The following TASOR2 variants were observed in gnomAD, a reference collection of about 807,000 sequenced individuals.
The protein encoded by TASOR2 is transcription activation suppressor family member 2, also known as protein TASOR 2.
Under a neutral mutation model 199.5 loss-of-function variants are expected in TASOR2, and 84 were observed. The ratio of observed to expected loss-of-function variants is 0.42; its 90% CI spans 0.35 to 0.50. The LOEUF (loss-of-function observed/expected upper bound fraction) is 0.50. Ranked by LOEUF, TASOR2 falls within the 20% of genes least tolerant of loss-of-function variation. The pLI is 0.02. For missense variants in TASOR2, 2,796 were observed against 2,835.9 expected (o/e 0.99, Z 0.32); for synonymous variants, 1,103 against 1,046.6 (o/e 1.05, Z -1.04).
intron 1 of TASOR2, among the ~76,000 whole-genome samples, chr10:5,705,313 T>C (rs1294720621): frequency 6.6e-6 from 1 of 152,228 alleles, no homozygotes; most frequent in African/African-American, 2.4e-5. Context: ...TTGAGATGCA[T>C]GCATATATCA....
Position 5,742,360 on chromosome 10 carries a change from C to T in TASOR2, c.2591C>T (p.Ala864Val). 1.2e-6 allele frequency: 2 copies of T among 1,614,162 alleles called. No individual in the cohort carries two copies. Among genetic ancestry groups the T allele is most frequent in the South Asian group, 2.2e-5 (2 of 91,082 alleles). ...AACGAAATTTCCAGGGCTCATGCTG[C>T]TGAAGTATCCTTCCGTGATCCTAAC... Residue 864 changes from alanine (A) to valine (V), a missense_variant, in exon 14 of 21, where the codon GCT becomes GTT. Coordinates refer to ENST00000328090, the Ensembl canonical transcript of TASOR2. The surrounding 1 kb of genome is among the most constrained non-coding windows in gnomAD (Gnocchi z 4.2).
In TASOR2 at chr10:5,763,104, AACATGTGAATAC is replaced by A. The variant is rs1400976612; in HGVS notation, c.*82_*93del. 8 of 1,449,728 alleles carry A rather than the reference AACATGTGAATAC, an allele frequency of 5.5e-6. No individual in the cohort carries two copies. In the African/African-American group the frequency reaches 9.9e-5, roughly 18 times the overall value. 89.8% of individuals were successfully genotyped at this position (1,449,728 alleles called of 1,614,324 possible). ...GTATTTTCCCTTTGGAAAACTTGTG[AACATGTGAATAC>A]ACATGTGAACAGTCTTACATTTGAA... On this transcript the variant is annotated 3_prime_UTR_variant, in exon 21 of 21. Transcript: ENST00000328090.
intron 1 of TASOR2, among the ~76,000 whole-genome samples, chr10:5,705,374 T>G (rs1838447637): frequency 6.6e-6 from 1 of 152,228 alleles, no homozygotes. Context: ...TATACAAGTT[T>G]ATCCATTCAC....
At chr10:5,747,351 A>G (rs377485045) in exon 15 of TASOR2, 27 of 1,614,044 alleles carry the variant, frequency 1.7e-5, no homozygotes, top group Non-Finnish European at 2.3e-5. Context: ...AGGAGGCCCC[A>G]TTCTCAAATT....
At chr10:5,694,194 T>G (rs2131500094) in intron 1 of TASOR2, among the ~76,000 whole-genome samples, 1 of 152,172 alleles carries the variant, frequency 6.6e-6, no homozygotes, top group African/African-American at 2.4e-5. Context: ...CACTCAGTAG[T>G]AAGTCAGGGA....
At chr10:5,739,692 A>G in exon 13 of TASOR2, 7 of 1,614,152 alleles carry the variant, frequency 4.3e-6, no homozygotes, top group Non-Finnish European at 5.1e-6. Context: ...TAGCATAAAT[A>G]GTGTTCAACC....
At chr10:5,703,660 C>T (rs1337295116) in intron 1 of TASOR2, among the ~76,000 whole-genome samples, 5 of 151,608 alleles carry the variant, frequency 3.3e-5, no homozygotes, top group Admixed American at 1.3e-4. Flanking sequence ...CCCGCCACCA[C>T]GCCCGGCTAA....
intron 6 of TASOR2, among the ~76,000 whole-genome samples, chr10:5,721,532 A>C (rs186212682): frequency 6.6e-6 from 1 of 152,216 alleles, no homozygotes; most frequent in Non-Finnish European, 1.5e-5. Context: ...TGTTGTGAGG[A>C]TTCATTTTTT....
At chr10:5,700,206 T>C (rs1190712819) in intron 1 of TASOR2, among the ~76,000 whole-genome samples, 1 of 152,180 alleles carries the variant, frequency 6.6e-6, no homozygotes, top group Non-Finnish European at 1.5e-5. Flanking sequence ...CTCTGTGTGC[T>C]TGGCTTATTT....
chr10:5,762,140 C>A (rs569479029), intron 19 of TASOR2, among the ~76,000 whole-genome samples: 1 of 151,648 alleles, frequency 6.6e-6, no homozygotes, highest in South Asian at 2.1e-4. Context: ...GTGATGTGTG[C>A]CTATAGTCCT....
chr10:5,746,089 T>C, intron 14 of TASOR2, 90 bp from the exon 16 acceptor site: 1 of 1,352,402 alleles, frequency 7.4e-7, no homozygotes, highest in East Asian at 2.4e-5. Context: ...AATTAATTTT[T>C]ATCTTTTCTG....
At chr10:5,712,625 T>A (rs971594541) in intron 1 of TASOR2, 198 bp from the exon 2 acceptor site, 1 of 1,125,906 alleles carries the variant, frequency 8.9e-7, no homozygotes, top group Non-Finnish European at 1.1e-6. Flanking sequence ...AGCCTAGCAC[T>A]TTTTAGCTAT....
chr10:5,694,082 A>G (rs1836832127), intron 1 of TASOR2, among the ~76,000 whole-genome samples: 2 of 152,076 alleles, frequency 1.3e-5, no homozygotes, highest in African/African-American at 4.8e-5. Flanking sequence ...CAACCATGGG[A>G]GGAATGGGGA....
chr10:5,691,267 A>G (rs984673190), intron 1 of TASOR2, among the ~76,000 whole-genome samples: 1 of 152,090 alleles, frequency 6.6e-6, no homozygotes, highest in African/African-American at 2.4e-5. Flanking sequence ...TTGTTTTTAC[A>G]TAATGTAGGA....
rs1426955719 is a variant in TASOR2 at position 5,754,798 on chromosome 10, C to T, written c.6607-1815C>T. Among the ~76,000 whole-genome samples the T allele has an allele frequency of 1.3e-5, 2 of 152,058 alleles. No individual in the cohort carries two copies. The highest frequency in any genetic ancestry group is 2.9e-5 in the Non-Finnish European group (2 of 68,014). On this transcript the variant is annotated intron_variant, in intron 15 of 20. Coordinates refer to ENST00000328090, the Ensembl canonical transcript of TASOR2. This position sits in a 1 kb window ranked among gnomAD's most constrained non-coding sequence, Gnocchi z 4.3. ...GTGGCTCACGCCTGTAATCCCAGCA[C>T]TTTGGGAGGCCGAGGTGGGCGGATC...
rs757417170 is a variant in TASOR2 at position 5,727,057 on chromosome 10, A to T, written c.425-4A>T. Reference sequence around the variant, plus strand: ...TTTCTTCTTCTGATTCTCATTCTGCATAGATTTTGGAGGCAAGCAGATGGG... The same window carrying T: ...TTTCTTCTTCTGATTCTCATTCTGCTTAGATTTTGGAGGCAAGCAGATGGG... On this transcript the variant is annotated splice_region_variant and splice_polypyrimidine_tract_variant and intron_variant, in intron 9 of 20. Coordinates refer to ENST00000328090, the Ensembl canonical transcript of TASOR2. 6.2e-7 allele frequency: 1 copy of T among 1,613,944 alleles called. No homozygotes were observed. Among genetic ancestry groups the T allele is most frequent in the African/African-American group, 1.3e-5 (1 of 74,918 alleles).
rs1836645356 is a variant in TASOR2 at position 5,742,948 on chromosome 10, A to G, written c.2757+422A>G. Among the ~76,000 whole-genome samples, 1 of 152,238 alleles carries G rather than the reference A, an allele frequency of 6.6e-6. No homozygotes were observed. Among genetic ancestry groups the G allele is most frequent in the Admixed American group, 6.5e-5 (1 of 15,278 alleles). On this transcript the variant is annotated intron_variant, in intron 14 of 20. Transcript: ENST00000328090. This position sits in a 1 kb window ranked among gnomAD's most constrained non-coding sequence, Gnocchi z 4.2. ...GTAAACTAAAATTAATTGTATTAAA[A>G]TTATTTTTGAAGACAGATGCTGGAA...
At position 5,744,963 on chromosome 10, in the gene TASOR2, C is replaced by T. The variant is rs115580149; in HGVS notation, c.2758-1216C>T. Among the ~76,000 whole-genome samples, 1,012 of 152,276 alleles carry T rather than the reference C, an allele frequency of 6.6e-3. 19 individuals are homozygous for T. The highest frequency in any genetic ancestry group is 0.023 in the African/African-American group (967 of 41,562). ...AATGTTTTTAACAAGAGATTTGGAA[C>T]ACAGTTCCTGATTTCCAACATGTAT... On this transcript the variant is annotated intron_variant, in intron 14 of 20. Transcript: ENST00000328090.
chr10:5,742,704 C>G lies in TASOR2; in HGVS notation c.2757+178C>G, dbSNP rs1836610757. Among the ~76,000 whole-genome samples, 1 of 152,058 alleles carries G rather than the reference C, an allele frequency of 6.6e-6. No individual in the cohort carries two copies. Among genetic ancestry groups the G allele is most frequent in the Non-Finnish European group, 1.5e-5 (1 of 68,032 alleles). On this transcript the variant is annotated intron_variant, in intron 14 of 20. Transcript: ENST00000328090. The surrounding 1 kb of genome is among the most constrained non-coding windows in gnomAD (Gnocchi z 4.2). ...TCATGAAGTGTCCTTGAATTGTCTG[C>G]AGGTAGAGCTTACCTGCCATCCCGA...
Sources: gnomAD v4.1 joint callset for allele counts (sites outside exome capture counted in the v4.1 genomes callset) on GRCh38, gnomAD v4.1.1 for gene constraint, Gnocchi (gnomAD v3.1) non-coding constraint, MANE v1.5 for transcripts, NCBI Gene and HGNC (gene_info 2026-07-23, HGNC 2026-07-21) for gene names.